Variants in FAM76B observed in about 807,000 individuals in gnomAD.
FAM76B encodes protein FAM76B.
A neutral mutation model predicts 51.8 loss-of-function variants in FAM76B; 16 were observed. The ratio of observed to expected loss-of-function variants is 0.31; its 90% CI spans 0.21 to 0.47. The LOEUF is 0.47. FAM76B is among the 20% of genes least tolerant of loss of function. The pLI is 1.00. For synonymous variants in FAM76B, 166 were observed against 129.5 expected (o/e 1.28, Z -1.91); for missense variants, 342 against 392.6 (o/e 0.87, Z 1.09).
intron 1 of FAM76B, 129 bp from the exon 2 acceptor site, chr11:95,788,692 A>G: frequency 8.2e-7 from 1 of 1,221,370 alleles, no homozygotes; most frequent in Non-Finnish European, 1.1e-6. Context: ...AACGTAAAGA[A>G]CTGGATGCTT....
chr11:95,771,575 G>T lies in FAM76B; in HGVS notation c.1006C>A (p.Leu336Ile). 1 of 1,605,744 alleles carries T rather than the reference G, an allele frequency of 6.2e-7. No homozygotes were observed. Among genetic ancestry groups the T allele is most frequent in the Non-Finnish European group, 8.5e-7 (1 of 1,174,116 alleles). ...AAATGACTTTCTCAAGGAGATGTTA[G>T]TATGCTTCCACTTTTGTCAAATTTT... The part of the protein sequence containing the change: ...GKKFDKSGSI[L>I]TSP Residue 336 changes from leucine to isoleucine, a missense_variant, in exon 10 of 10, where the codon CTA becomes ATA. Physicochemically the swap from Leu to Ile is conservative, Grantham distance 5. Around this residue, in one of 3 missense-constraint regions of FAM76B, gnomAD observed 230 missense variants for 257.4 expected, o/e 0.89. Transcript: ENST00000358780.
intron 8 of FAM76B, among the ~76,000 whole-genome samples, chr11:95,776,453 A>G (rs1860011606): frequency 6.6e-6 from 1 of 151,552 alleles, no homozygotes; most frequent in African/African-American, 2.4e-5. Flanking sequence ...GAAATTTCAC[A>G]CTGGGTAATA....
intron 9 of FAM76B, among the ~76,000 whole-genome samples, chr11:95,773,616 A>G (rs969972545): frequency 5.3e-5 from 8 of 151,288 alleles, no homozygotes; most frequent in Admixed American, 1.3e-4. Context: ...CATAACCTGG[A>G]GCATATTTTC....
At chr11:95,782,907 T>C (rs990945434) in intron 5 of FAM76B, among the ~76,000 whole-genome samples, 158 bp downstream of exon 5, 11 of 152,190 alleles carry the variant, frequency 7.2e-5, no homozygotes, top group Admixed American at 5.2e-4. Flanking sequence ...CATTCTACAC[T>C]GAATAAAATG....
Position 95,789,524 on chromosome 11 carries a change from G to T in FAM76B, c.-46C>A. 2.6e-6 allele frequency: 4 copies of T among 1,529,512 alleles called. No individual in the cohort carries two copies. Among genetic ancestry groups the T allele is most frequent in the Non-Finnish European group, 3.5e-6 (4 of 1,128,950 alleles). 94.7% of individuals were successfully genotyped at this position (1,529,512 alleles called of 1,614,324 possible). A position where few individuals can be genotyped will look rare whatever the true frequency, so the allele number is the denominator to read the frequency against. ...TCCGCCGCCGCCCGCTCCGAGGCGG[G>T]GCCCTACGGAGAACCCGAGAGCCGC... On this transcript the variant is annotated 5_prime_UTR_variant, in exon 1 of 10. Transcript: ENST00000358780.
intron 9 of FAM76B, among the ~76,000 whole-genome samples, chr11:95,772,629 A>C (rs1393107942): frequency 6.6e-6 from 1 of 151,164 alleles, no homozygotes; most frequent in Non-Finnish European, 1.5e-5. Context: ...ATGTTTCAAC[A>C]CCATTTTCCT....
intron 8 of FAM76B, among the ~76,000 whole-genome samples, chr11:95,777,526 T>C (rs894985006): frequency 1.3e-5 from 2 of 151,398 alleles, no homozygotes; most frequent in Admixed American, 1.3e-4. Flanking sequence ...TGCAGATATA[T>C]CTGGCCTGTC....
chr11:95,787,240 T>C (rs1275492568), intron 3 of FAM76B, among the ~76,000 whole-genome samples: 1 of 148,054 alleles, frequency 6.8e-6, no homozygotes, highest in Non-Finnish European at 1.5e-5. Flanking sequence ...ATAGCAGTAG[T>C]TTTTTTTTTT....
chr11:95,789,248 G>A, intron 1 of FAM76B, 144 bp downstream of exon 1: 2 of 998,004 alleles, frequency 2.0e-6, no homozygotes, highest in South Asian at 1.5e-5. Context: ...CCAGAAAAAG[G>A]GGTCCCCGAG....
At chr11:95,786,745 A>G (rs1178703822) in intron 3 of FAM76B, 1 of 152,494 alleles carries the variant, frequency 6.6e-6, no homozygotes, top group Non-Finnish European at 1.5e-5. Context: ...TTCAACTTTG[A>G]AAAAATGAGA....
intron 4 of FAM76B, among the ~76,000 whole-genome samples, chr11:95,783,890 C>G (rs1031669912): frequency 2.0e-5 from 3 of 152,174 alleles, no homozygotes; most frequent in Non-Finnish European, 4.4e-5. Context: ...ATTTATTTCA[C>G]CTCTCAGACA....
Position 95,779,881 on chromosome 11 carries a change from C to G in FAM76B, c.609G>C (p.Gln203His). The G allele has an allele frequency of 6.2e-7, 1 of 1,604,760 alleles. No homozygotes were observed. The highest frequency in any genetic ancestry group is 8.5e-7 in the Non-Finnish European group (1 of 1,176,316). ...SPEEEQGLWK[Q>H]SHKSSATIQN... ...AGAAAATACAGCAATGTATTTACCT[C>G]TGTTTCCACAGTCCCTGCTCTTCTT... Residue 203 changes from glutamine (Q) to histidine (H), a missense_variant and splice_region_variant, in exon 6 of 10, where the codon CAG (glutamine) becomes CAC (histidine). Around this residue, in one of 3 missense-constraint regions of FAM76B, gnomAD observed 230 missense variants for 257.4 expected, o/e 0.89. Coordinates refer to ENST00000358780, the MANE Select transcript of FAM76B (RefSeq NM_144664.5).
At chr11:95,784,609 TG>T (rs1860459182) in intron 4 of FAM76B, among the ~76,000 whole-genome samples, 1 of 151,304 alleles carries the variant, frequency 6.6e-6, no homozygotes, top group South Asian at 2.1e-4. Flanking sequence ...TTTTTTTTTT[TG>T]AGACGGAGTC....
Position 95,787,610 on chromosome 11 carries a change from TA to T in FAM76B, c.207+13del, listed in dbSNP as rs772722246. On this transcript the variant is annotated intron_variant, in intron 3 of 9. Transcript: ENST00000358780. ...AACTGGTAACAATGACATGAAAACATAAGACATACTTACCGTCCCAAATTGC... is the reference window on the plus strand; with the variant it reads ...AACTGGTAACAATGACATGAAAACATAGACATACTTACCGTCCCAAATTGC... 1.2e-6 allele frequency: 2 copies of T among 1,607,624 alleles called. No homozygotes were observed. Among genetic ancestry groups the T allele is most frequent in the African/African-American group, 2.7e-5 (2 of 74,804 alleles).
Position 95,783,218 on chromosome 11 carries a change from C to T in FAM76B, c.410G>A (p.Arg137Lys). ...TTGTTCTTTCGTCTTCTGTAAAACT[C>T]TTTTGTACGATAAAGTACAGAGCCA... ...LCWLCTLSYK[R>K]VLQKTKEQRK... The change falls in exon 5 of 10, where the codon AGA (arginine) becomes AAA (lysine). Residue 137 changes from arginine (R) to lysine (K), a missense_variant. Arg to Lys is a conservative substitution (Grantham distance 26, BLOSUM62 2). This residue lies in a region of FAM76B where 230 missense variants were observed against 257.4 expected (regional missense o/e 0.89). Transcript: ENST00000358780. 1 of 1,613,716 alleles carries T rather than the reference C, an allele frequency of 6.2e-7. No homozygotes were observed. The highest frequency in any genetic ancestry group is 1.3e-5 in the African/African-American group (1 of 75,020).
At position 95,789,630 on chromosome 11, in the gene FAM76B, C is replaced by T. The variant is rs1860889268; in HGVS notation, c.-152G>A. 6 of 580,734 alleles carry T rather than the reference C, an allele frequency of 1.0e-5. No individual in the cohort carries two copies. The highest frequency in any genetic ancestry group is 6.7e-5 in the East Asian group (2 of 29,822). The allele number at this position is 580,734 out of a possible 1,614,324, so 36.0% of individuals were successfully genotyped here. A position where few individuals can be genotyped will look rare whatever the true frequency, so the allele number is the denominator to read the frequency against. ...AGGGCCTCGCCGCGAGAGCCCAGGG[C>T]CCCGCGGACGACGCCACCGTCTCCC... On this transcript the variant is annotated 5_prime_UTR_variant, in exon 1 of 10. Transcript: ENST00000358780.
chr11:95,788,539 C>G lies in FAM76B; in HGVS notation c.112G>C (p.Val38Leu). The G allele has an allele frequency of 6.2e-7, 1 of 1,612,866 alleles. No homozygotes were observed. The highest frequency in any genetic ancestry group is 8.5e-7 in the Non-Finnish European group (1 of 1,179,610). Residue 38 changes from valine to leucine, a missense_variant, in exon 2 of 10, where the codon GTA becomes CTA. Transcript: ENST00000358780. ...CKECRIAHPI[V>L]KCTYCRSEFQ... ...TCTGATCTGCAGTAAGTACATTTTACAATAGGATGTGCAATCCGACATTCC... is the reference window on the plus strand; with the variant it reads ...TCTGATCTGCAGTAAGTACATTTTAGAATAGGATGTGCAATCCGACATTCC...
chr11:95,778,138 T>C (rs554034890), intron 8 of FAM76B, among the ~76,000 whole-genome samples: 1 of 151,640 alleles, frequency 6.6e-6, no homozygotes, highest in Non-Finnish European at 1.5e-5. Flanking sequence ...AATCTAAGTA[T>C]GGCTAAATTA....
chr11:95,786,893 T>C (rs1199838243), intron 3 of FAM76B: 1 of 152,312 alleles, frequency 6.6e-6, no homozygotes, highest in East Asian at 1.9e-4. Flanking sequence ...ATACCTATAA[T>C]GATTGTAGTA....
Sources: allele counts gnomAD v4.1 joint callset (sites outside exome capture counted in the v4.1 genomes callset), GRCh38; gene constraint gnomAD v4.1.1; regional missense constraint gnomAD v4.1.1; transcripts MANE v1.5; gene names NCBI Gene and HGNC (gene_info 2026-07-23, HGNC 2026-07-21).